PLCL1: variants seen among roughly 807,000 people sequenced by gnomAD.
PLCL1 encodes the protein phospholipase C like 1 (inactive).
PLCL1 carries 41 observed loss-of-function variants against 84.4 expected under a neutral mutation model. The ratio of observed to expected loss-of-function variants is 0.49; its 90% CI spans 0.38 to 0.63. The LOEUF is 0.63. Ranked by LOEUF, PLCL1 falls within the 30% of genes least tolerant of loss-of-function variation. PLCL1 has a pLI of 0.00. For synonymous variants in PLCL1, 490 were observed against 488.3 expected (o/e 1.00, Z -0.05); for missense variants, 1,206 against 1,367.8 (o/e 0.88, Z 1.87).
chr2:198,103,003 A>G (rs1009019115), intron 4 of PLCL1, among the ~76,000 whole-genome samples: 7 of 152,222 alleles, frequency 4.6e-5, no homozygotes, highest in Admixed American at 4.6e-4. Flanking sequence ...GGTCATTCCC[A>G]AATCTGAAAT....
intron 1 of PLCL1, among the ~76,000 whole-genome samples, chr2:197,897,123 C>G (rs973351160): frequency 9.7e-5 from 3 of 30,852 alleles, no homozygotes; most frequent in African/African-American, 2.0e-4. Context: ...TCTTCTTCTT[C>G]TTCTTCTTCT....
chr2:198,111,509 G>A (rs1473709352), intron 5 of PLCL1, among the ~76,000 whole-genome samples: 1 of 151,856 alleles, frequency 6.6e-6, no homozygotes, highest in African/African-American at 2.4e-5. Flanking sequence ...GACTAAATGA[G>A]TAAATATATA....
At chr2:198,009,426 A>G (rs967103925) in intron 1 of PLCL1, among the ~76,000 whole-genome samples, 1 of 151,966 alleles carries the variant, frequency 6.6e-6, no homozygotes, top group Admixed American at 6.6e-5. Flanking sequence ...TTCCAACACT[A>G]CTTGTTGAAG....
Position 198,084,200 on chromosome 2 carries a change from C to G in PLCL1, c.683C>G (p.Pro228Arg). ...TACCTGGTTTCTCGAAGTAAGCAGC[C>G]TCTTGATTTTATGGAGGGCAACCAG... is the stretch of plus-strand genomic sequence containing the variant. ...LRYLVSRSKQ[P>R]LDFMEGNQNT... Residue 228 changes from proline (P) to arginine (R), a missense_variant, in exon 2 of 6, where the codon CCT (proline) becomes CGT (arginine). By Grantham distance (103) the Pro-to-Arg change is moderately radical (BLOSUM62 -2). Transcript: ENST00000428675. The G allele has an allele frequency of 6.2e-7, 1 of 1,614,062 alleles. No homozygotes were observed. Among genetic ancestry groups the G allele is most frequent in the Non-Finnish European group, 8.5e-7 (1 of 1,179,992 alleles).
At chr2:198,033,751 T>G (rs1289462592) in intron 1 of PLCL1, among the ~76,000 whole-genome samples, 1 of 152,184 alleles carries the variant, frequency 6.6e-6, no homozygotes, top group Admixed American at 6.5e-5. Context: ...TTACGTGATT[T>G]ATTGCTGCTG....
In PLCL1 at chr2:198,085,537, C is replaced by T; in HGVS notation, c.2020C>T (p.Pro674Ser). ...CQIVAMNFQTPGPMMDLHTGW... is the reference protein window; with the variant it reads ...CQIVAMNFQTSGPMMDLHTGW... Reference sequence around the variant, plus strand: ...GATTGTAGCAATGAATTTTCAGACTCCGGGTCCAATGATGGACCTTCACAC... The same window carrying T: ...GATTGTAGCAATGAATTTTCAGACTTCGGGTCCAATGATGGACCTTCACAC... Residue 674 changes from proline to serine, a missense_variant, in exon 2 of 6, where the codon CCG becomes TCG. By Grantham distance (74) the Pro-to-Ser change is moderately conservative (BLOSUM62 -1). Coordinates refer to ENST00000428675, the MANE Select transcript of PLCL1 (RefSeq NM_006226.4). The surrounding 1 kb of genome is among the most constrained non-coding windows in gnomAD (Gnocchi z 5.3). 6.2e-7 allele frequency: 1 copy of T among 1,613,838 alleles called. No individual in the cohort carries two copies. Among genetic ancestry groups the T allele is most frequent in the Non-Finnish European group, 8.5e-7 (1 of 1,179,728 alleles).
intron 1 of PLCL1, among the ~76,000 whole-genome samples, chr2:197,890,682 C>CTATATATATATATATATATA (rs1553500076): frequency 7.7e-5 from 9 of 116,194 alleles, no homozygotes; most frequent in African/African-American, 1.9e-4. Flanking sequence ...TATTTTTTTG[C>CTATATATATATATATATATA]TATATATATA....
At chr2:197,960,012 G>C (rs544481970) in intron 1 of PLCL1, among the ~76,000 whole-genome samples, 2 of 152,100 alleles carry the variant, frequency 1.3e-5, no homozygotes, top group Non-Finnish European at 2.9e-5. Context: ...TAGGATTTCT[G>C]TAACACAGTG....
At chr2:197,845,972 A>G (rs1687114496) in intron 1 of PLCL1, among the ~76,000 whole-genome samples, 1 of 152,118 alleles carries the variant, frequency 6.6e-6, no homozygotes. Flanking sequence ...ACTTGATACT[A>G]ATTGAAATTA....
intron 1 of PLCL1, among the ~76,000 whole-genome samples, chr2:197,824,727 A>C (rs998367951): frequency 1.3e-5 from 2 of 151,752 alleles, no homozygotes; most frequent in African/African-American, 2.4e-5. Flanking sequence ...AAAAAAAAAA[A>C]AAAAAAAACA....
At chr2:198,028,875 G>GT (rs1263006604) in intron 1 of PLCL1, among the ~76,000 whole-genome samples, 3 of 152,088 alleles carry the variant, frequency 2.0e-5, no homozygotes, top group East Asian at 1.9e-4. Context: ...CCCACTTTCT[G>GT]TTTTTTACAG....
intron 1 of PLCL1, among the ~76,000 whole-genome samples, chr2:198,074,526 A>G (rs1692533371): frequency 6.6e-6 from 1 of 152,204 alleles, no homozygotes; most frequent in Admixed American, 6.5e-5. Flanking sequence ...GGTAAATATT[A>G]CCATTAAAAA....
intron 1 of PLCL1, among the ~76,000 whole-genome samples, chr2:198,081,595 G>C (rs1275420484): frequency 6.6e-6 from 1 of 152,154 alleles, no homozygotes; most frequent in Non-Finnish European, 1.5e-5. Context: ...CTTTGTAAAT[G>C]CAGGAGCTAA....
In PLCL1 at chr2:198,134,753, A is replaced by G. The variant is rs150072248; in HGVS notation, c.3106-12027A>G. 2.8e-4 allele frequency among the ~76,000 whole-genome samples: 42 copies of G among 152,272 alleles called. No individual in the cohort carries two copies. In the East Asian group the frequency reaches 6.8e-3, roughly 25 times the overall value. ...TGCCATGCACGTAGAAGGCAGGGTG[A>G]ATTGTGCCCTTGGAATTGTGTAACA... On this transcript the variant is annotated intron_variant, in intron 5 of 5. Coordinates refer to ENST00000428675, the MANE Select transcript of PLCL1 (RefSeq NM_006226.4).
At chr2:197,966,890 G>A (rs1378908454) in intron 1 of PLCL1, among the ~76,000 whole-genome samples, 20 of 125,190 alleles carry the variant, frequency 1.6e-4, no homozygotes, top group Admixed American at 2.0e-4. Flanking sequence ...TCGCTCTGTC[G>A]CCCAGGCTGG....
In PLCL1 at chr2:198,146,805, C is replaced by T. The variant is rs1448078370; in HGVS notation, c.3131C>T (p.Ala1044Val). ...LKGQGDLLKN[A>V]KNEAIENMKQ... is the part of the protein sequence containing the mutation. ...GGCCAAGGAGATCTGTTGAAGAATG[C>T]CAAGAATGAAGCTATAGAAAACATG... is the stretch of plus-strand genomic sequence containing the variant. The change falls in exon 6 of 6, where the codon GCC becomes GTC. Residue 1044 changes from alanine (A) to valine (V), a missense_variant. By Grantham distance (64) the Ala-to-Val change is moderately conservative. Coordinates refer to ENST00000428675, the MANE Select transcript of PLCL1 (RefSeq NM_006226.4). The T allele has an allele frequency of 2.2e-5, 35 of 1,612,428 alleles. No individual in the cohort carries two copies. Among genetic ancestry groups the T allele is most frequent in the Non-Finnish European group, 2.9e-5 (34 of 1,179,324 alleles).
chr2:197,949,071 A>G (rs1689337186), intron 1 of PLCL1, among the ~76,000 whole-genome samples: 1 of 152,162 alleles, frequency 6.6e-6, no homozygotes, highest in Admixed American at 6.6e-5. Flanking sequence ...ATGTTCAGAG[A>G]TCAGAGGCAA....
chr2:197,945,533 T>A (rs1225023348), intron 1 of PLCL1, among the ~76,000 whole-genome samples: 1 of 152,172 alleles, frequency 6.6e-6, no homozygotes, highest in African/African-American at 2.4e-5. Flanking sequence ...GTCAACAGTG[T>A]TCTTAAAGAC....
chr2:197,845,085 C>T (rs1383465673), intron 1 of PLCL1, among the ~76,000 whole-genome samples: 1 of 151,992 alleles, frequency 6.6e-6, no homozygotes, highest in Non-Finnish European at 1.5e-5. Context: ...GTTATTCAGC[C>T]TTATGGCTGT....
Sources: allele counts gnomAD v4.1 joint callset (sites outside exome capture counted in the v4.1 genomes callset), GRCh38; gene constraint gnomAD v4.1.1; non-coding constraint Gnocchi (gnomAD v3.1); transcripts MANE v1.5; gene names NCBI Gene and HGNC (gene_info 2026-07-23, HGNC 2026-07-21).